The following SNX29 variants were observed in gnomAD, a reference collection of about 807,000 sequenced individuals.
The protein encoded by SNX29 is sorting nexin-29.
A neutral mutation model predicts 102.1 loss-of-function variants in SNX29; 78 were observed. That is an observed-to-expected ratio of 0.76 (90% CI 0.64 to 0.92). SNX29 has a LOEUF of 0.92. Among genes scored for constraint, SNX29 ranks in the 40% least tolerant of loss-of-function variants. The probability of loss-of-function intolerance (pLI) is 0.00; values close to 1 mark genes in which losing one functional copy is unlikely to be tolerated. For synonymous variants in SNX29, 580 were observed against 414.5 expected (o/e 1.40, Z -4.85); for missense variants, 1,280 against 1,061.7 (o/e 1.21, Z -2.86).
intron 13 of SNX29, among the ~76,000 whole-genome samples, chr16:12,197,612 A>G (rs551897952): frequency 1.8e-4 from 27 of 152,294 alleles, no homozygotes; most frequent in Admixed American, 7.2e-4. Flanking sequence ...TACAATCCCC[A>G]TCAGGGAAGA....
chr16:12,029,070 A>G (rs1321241581), intron 4 of SNX29, among the ~76,000 whole-genome samples: 1 of 150,248 alleles, frequency 6.7e-6, no homozygotes, highest in East Asian at 1.9e-4. Flanking sequence ...ATTTTGATAC[A>G]TGCCTAGAAT....
intron 15 of SNX29, among the ~76,000 whole-genome samples, chr16:12,290,415 A>C (rs2079755173): frequency 6.6e-6 from 1 of 151,858 alleles, no homozygotes; most frequent in Admixed American, 6.6e-5. Context: ...GCCTTCTCAA[A>C]TCACCCCACT....
At chr16:12,069,749 G>GGC (rs1168132729) in intron 10 of SNX29, among the ~76,000 whole-genome samples, 1 of 152,176 alleles carries the variant, frequency 6.6e-6, no homozygotes, top group Non-Finnish European at 1.5e-5. Context: ...GGAGTGCGGT[G>GGC]GCGCAATCTC....
At chr16:12,512,934 G>A (rs2089696666) in intron 19 of SNX29, among the ~76,000 whole-genome samples, 1 of 152,246 alleles carries the variant, frequency 6.6e-6, no homozygotes, top group African/African-American at 2.4e-5. Context: ...TTTGGGAAGT[G>A]GTGGCAGAGC....
chr16:12,230,398 AG>A (rs1381599131), intron 14 of SNX29, among the ~76,000 whole-genome samples: 1 of 152,232 alleles, frequency 6.6e-6, no homozygotes, highest in African/African-American at 2.4e-5. Context: ...GACCTGCAGT[AG>A]TACTGAGGAA....
intron 19 of SNX29, among the ~76,000 whole-genome samples, chr16:12,508,171 C>T (rs2089459669): frequency 6.6e-6 from 1 of 152,188 alleles, no homozygotes; most frequent in South Asian, 2.1e-4. Context: ...GCCTGGTGGG[C>T]TGTGGCGGGT....
intron 14 of SNX29, among the ~76,000 whole-genome samples, chr16:12,221,254 A>T (rs778394437): frequency 2.0e-5 from 3 of 152,072 alleles, no homozygotes; most frequent in Non-Finnish European, 4.4e-5. Context: ...GGGGGCAGAA[A>T]GCCGGGGGTC....
At chr16:12,416,816 A>G (rs569906243) in intron 18 of SNX29, among the ~76,000 whole-genome samples, 16 of 152,320 alleles carry the variant, frequency 1.1e-4, no homozygotes, top group African/African-American at 3.4e-4. Context: ...ACTCATTCTC[A>G]TGGGCAGGGC....
chr16:12,562,304 T>G (rs1409882001), intron 20 of SNX29, among the ~76,000 whole-genome samples: 1 of 152,204 alleles, frequency 6.6e-6, no homozygotes, highest in African/African-American at 2.4e-5. Flanking sequence ...AACGTTATCG[T>G]TGGCTTTGTC....
At chr16:12,545,366 C>G (rs758637997) in intron 20 of SNX29, 3 of 152,172 alleles carry the variant, frequency 2.0e-5, no homozygotes, top group Non-Finnish European at 4.4e-5. Context: ...AGAGTGACAA[C>G]CCATTGTCAC....
At chr16:12,270,941 G>T (rs2079073968) in intron 14 of SNX29, among the ~76,000 whole-genome samples, 1 of 152,166 alleles carries the variant, frequency 6.6e-6, no homozygotes, top group African/African-American at 2.4e-5. Context: ...TACTCAAGAG[G>T]CTGAGGCAGG....
chr16:12,428,041 T>C (rs1183582310), intron 18 of SNX29, among the ~76,000 whole-genome samples: 1 of 152,236 alleles, frequency 6.6e-6, no homozygotes, highest in African/African-American at 2.4e-5. Context: ...TGGATATAAA[T>C]GTGAATGTAA....
At chr16:12,028,115 T>C (rs967602527) in intron 4 of SNX29, among the ~76,000 whole-genome samples, 1 of 152,216 alleles carries the variant, frequency 6.6e-6, no homozygotes, top group African/African-American at 2.4e-5. Context: ...GAGCTTTCAG[T>C]TCCAGCCCTG....
Position 12,569,844 on chromosome 16 carries a change from G to A in SNX29, c.*1215G>A, listed in dbSNP as rs182395764. 4.6e-4 allele frequency: 106 copies of A among 230,954 alleles called. 1 individual carries two copies. Among genetic ancestry groups the A allele is most frequent in the African/African-American group, 2.1e-3 (95 of 45,330 alleles). The allele number at this position is 230,954 out of a possible 1,614,324, so 14.3% of individuals were successfully genotyped here. ...TGCATTTCTAGGGTAAACTAACTAG[G>A]AAGGATGTCGTGAAATGGACTATGC... On this transcript the variant is annotated 3_prime_UTR_variant, in exon 21 of 21. Transcript: ENST00000566228.
chr16:12,491,080 T>A (rs1018510661), intron 19 of SNX29, among the ~76,000 whole-genome samples: 1 of 152,264 alleles, frequency 6.6e-6, no homozygotes, highest in African/African-American at 2.4e-5. Flanking sequence ...ATGTATTCAT[T>A]TAGATGCAGG....
At chr16:12,549,794 G>A (rs758351386) in intron 20 of SNX29, among the ~76,000 whole-genome samples, 9 of 152,226 alleles carry the variant, frequency 5.9e-5, no homozygotes, top group African/African-American at 9.6e-5. Context: ...TGCAGACAAG[G>A]CCCATCATGG....
At chr16:12,534,861 C>T (rs569429287) in intron 20 of SNX29, among the ~76,000 whole-genome samples, 1 of 152,158 alleles carries the variant, frequency 6.6e-6, no homozygotes, top group African/African-American at 2.4e-5. Context: ...ATTGTCCCAA[C>T]CATGGGGGAC....
chr16:12,042,613 G>A (rs570093263), intron 4 of SNX29, among the ~76,000 whole-genome samples: 1 of 152,294 alleles, frequency 6.6e-6, no homozygotes, highest in East Asian at 1.9e-4. Context: ...ATTCGCTTAG[G>A]ATAATGGCCT....
intron 13 of SNX29, chr16:12,135,696 C>G (rs1451990408): frequency 5.5e-5 from 59 of 1,081,604 alleles, no homozygotes; most frequent in Non-Finnish European, 7.3e-5. Context: ...TTCCTCTGGA[C>G]TTTTCATGTA....
Sources: allele counts gnomAD v4.1 joint callset (sites outside exome capture counted in the v4.1 genomes callset), GRCh38; gene constraint gnomAD v4.1.1; transcripts MANE v1.5; gene names NCBI Gene and HGNC (gene_info 2026-07-23, HGNC 2026-07-21).